Variants in POF1B observed in about 807,000 individuals in gnomAD.
POF1B encodes POF1B actin binding protein.
A neutral mutation model predicts 55.3 loss-of-function variants in POF1B; 53 were observed. That is an observed-to-expected ratio of 0.96 (90% CI 0.77 to 1.20). POF1B has a LOEUF of 1.20. Ranked by LOEUF, POF1B falls within the 50% of genes most tolerant of loss-of-function variation. The pLI is 0.00. For missense variants in POF1B, 478 were observed against 420.5 expected (o/e 1.14, Z -1.20); for synonymous variants, 188 against 148.3 (o/e 1.27, Z -1.95).
chrX:85,318,106 A>G (rs1833789913), intron 7 of POF1B, among the ~76,000 whole-genome samples: 1 of 111,681 alleles, frequency 9.0e-6, no homozygotes, highest in Admixed American at 9.5e-5. Context: ...GGATCAGGAA[A>G]AATAACTAAT....
chrX:85,285,856 G>GA (rs1246693518), intron 15 of POF1B, among the ~76,000 whole-genome samples: 2 of 111,049 alleles, frequency 1.8e-5, no homozygotes, highest in Non-Finnish European at 3.8e-5. Context: ...AAATACTTTT[G>GA]AATAATGAAG....
At chrX:85,379,532 G>T in intron 1 of POF1B, 37 bp from the exon 2 acceptor site, 1 of 1,071,765 alleles carries the variant, frequency 9.3e-7, no homozygotes, top group South Asian at 2.2e-5. Context: ...GGAAAAAAAA[G>T]ACAGGCAAGC....
intron 2 of POF1B, among the ~76,000 whole-genome samples, chrX:85,375,452 T>C (rs910584192): frequency 9.0e-6 from 1 of 111,540 alleles, no homozygotes; most frequent in Non-Finnish European, 1.9e-5. Context: ...TTAAACAAGA[T>C]ACAATTGCCA....
chrX:85,299,535 G>A (rs1227240083), intron 15 of POF1B, among the ~76,000 whole-genome samples: 31 of 89,339 alleles, frequency 3.5e-4, no homozygotes, highest in Admixed American at 6.2e-4. Context: ...TGATCCGCCC[G>A]CCTCGGCCTC....
chrX:85,311,565 G>T (rs1386501188), intron 9 of POF1B, among the ~76,000 whole-genome samples: 1 of 111,760 alleles, frequency 8.9e-6, no homozygotes, highest in Non-Finnish European at 1.9e-5. Context: ...TGGTGCGTAT[G>T]TCCCACATTA....
At chrX:85,306,094 G>T in intron 12 of POF1B, 87 bp downstream of exon 12, 1 of 982,997 alleles carries the variant, frequency 1.0e-6, no homozygotes, top group South Asian at 2.3e-5. Context: ...AGTATGTGAG[G>T]GAAAGCAGTC....
At chrX:85,322,696 C>A (rs1339778852) in intron 7 of POF1B, among the ~76,000 whole-genome samples, 1 of 111,660 alleles carries the variant, frequency 9.0e-6, no homozygotes, top group Non-Finnish European at 1.9e-5. Context: ...ATCTACTCAT[C>A]TGACAAAGGG....
intron 7 of POF1B, among the ~76,000 whole-genome samples, chrX:85,329,455 G>T (rs1932941299): frequency 9.0e-6 from 1 of 110,666 alleles, no homozygotes; most frequent in Non-Finnish European, 1.9e-5. Context: ...GCAGTGATCA[G>T]CTCCATGGGC....
chrX:85,344,592 T>C (rs1933233704), intron 6 of POF1B, among the ~76,000 whole-genome samples: 1 of 111,273 alleles, frequency 9.0e-6, no homozygotes, highest in Non-Finnish European at 1.9e-5. Flanking sequence ...ATTATACCAG[T>C]TTCAACCTAC....
chrX:85,370,615 A>G (rs921328401), intron 2 of POF1B, among the ~76,000 whole-genome samples: 2 of 111,200 alleles, frequency 1.8e-5, no homozygotes, highest in African/African-American at 6.5e-5. Flanking sequence ...GCTAAAGAAA[A>G]CCCCTTTTCC....
At chrX:85,334,428 G>A (rs190333929) in intron 6 of POF1B, among the ~76,000 whole-genome samples, 5 of 111,167 alleles carry the variant, frequency 4.5e-5, no homozygotes, top group African/African-American at 9.7e-5. Context: ...AAACATATAC[G>A]GATACACAAA....
chrX:85,288,306 C>T (rs1387841236), intron 15 of POF1B, among the ~76,000 whole-genome samples: 4 of 110,898 alleles, frequency 3.6e-5, no homozygotes, highest in Non-Finnish European at 7.6e-5. Context: ...TACCCTGTCC[C>T]CCACTTGTAG....
Position 85,306,278 on chromosome X carries a change from G to T in POF1B, c.1220C>A (p.Ser407Tyr). 1 of 1,208,360 alleles carries T rather than the reference G, an allele frequency of 8.3e-7. No individual in the cohort carries two copies. The highest frequency in any genetic ancestry group is 1.1e-6 in the Non-Finnish European group (1 of 892,837). The change falls in exon 12 of 17, where the codon TCT (serine) becomes TAT (tyrosine). Residue 407 changes from serine (S) to tyrosine (Y), a missense_variant. By Grantham distance (144) the Ser-to-Tyr change is moderately radical (BLOSUM62 -2). Transcript: ENST00000262753. ...KCQALEENNL[S>Y]LRHTLSDMEY... ...CATGTCTGATAGTGTATGTCGAAGA[G>T]AGAGATTGTTTTCTTCCAATGCCTG... is the stretch of plus-strand genomic sequence containing the variant.
chrX:85,345,717 A>G lies in POF1B; in HGVS notation c.723+143T>C, dbSNP rs997750191. 1.8e-5 allele frequency: 9 copies of G among 512,554 alleles called. No individual in the cohort carries two copies. The African/African-American group carries it at 2.0e-4, about 11-fold the overall frequency. 42.2% of individuals were successfully genotyped at this position (512,554 alleles called of 1,213,427 possible). On this transcript the variant is annotated intron_variant, in intron 6 of 16. Coordinates refer to ENST00000262753, the MANE Select transcript of POF1B (RefSeq NM_024921.4). ...GAGAGAAGATGGGAAGATTTGTTCT[A>G]AAAATGCTGACAAGGCACAAATACC... is the stretch of plus-strand genomic sequence containing the variant.
At chrX:85,289,010 A>G (rs1804420659) in intron 15 of POF1B, among the ~76,000 whole-genome samples, 1 of 111,514 alleles carries the variant, frequency 9.0e-6, no homozygotes. Flanking sequence ...GCTGAAAATA[A>G]TGGTGGACTT....
intron 14 of POF1B, 22 bp downstream of exon 14, chrX:85,304,321 T>TC: frequency 8.6e-6 from 10 of 1,157,635 alleles, no homozygotes; most frequent in Non-Finnish European, 1.2e-5. Flanking sequence ...CTTTTCTCCA[T>TC]CCCCACCCCT....
intron 7 of POF1B, among the ~76,000 whole-genome samples, chrX:85,330,374 A>C (rs1177956966): frequency 1.8e-5 from 2 of 111,628 alleles, no homozygotes; most frequent in Non-Finnish European, 3.8e-5. Context: ...AATATATTTT[A>C]AACTCTGGCC....
chrX:85,316,355 G>A (rs768245107), intron 7 of POF1B, among the ~76,000 whole-genome samples: 1 of 111,511 alleles, frequency 9.0e-6, no homozygotes, highest in South Asian at 3.7e-4. Context: ...TCATAATGAG[G>A]ATTTGGTCAC....
chrX:85,293,694 C>G (rs1475489580), intron 15 of POF1B, among the ~76,000 whole-genome samples: 1 of 112,026 alleles, frequency 8.9e-6, no homozygotes, highest in Non-Finnish European at 1.9e-5. Flanking sequence ...AAAAAACAGG[C>G]CGGGCATGGT....
Sources: allele counts gnomAD v4.1 joint callset (sites outside exome capture counted in the v4.1 genomes callset), GRCh38; gene constraint gnomAD v4.1.1; transcripts MANE v1.5; gene names NCBI Gene and HGNC (gene_info 2026-07-23, HGNC 2026-07-21).